The following LTBP2 variants were observed in gnomAD, a reference collection of about 807,000 sequenced individuals.
LTBP2 encodes latent-transforming growth factor beta-binding protein 2.
Under a neutral mutation model 210.6 loss-of-function variants are expected in LTBP2, and 103 were observed. The ratio of observed to expected loss-of-function variants is 0.49; its 90% CI spans 0.42 to 0.58. The LOEUF is 0.58. LTBP2 is among the 20% of genes least tolerant of loss of function. The probability of loss-of-function intolerance (pLI) is 0.00; values close to 1 mark genes in which losing one functional copy is unlikely to be tolerated. For synonymous variants in LTBP2, 1,007 were observed against 1,015.0 expected (o/e 0.99, Z 0.15); for missense variants, 2,313 against 2,494.5 (o/e 0.93, Z 1.55).
intron 8 of LTBP2, among the ~76,000 whole-genome samples, chr14:74,538,832 G>C (rs1021890578): frequency 2.6e-5 from 4 of 152,246 alleles, no homozygotes; most frequent in East Asian, 3.8e-4. Flanking sequence ...AGCCTAGAAG[G>C]CCACTCTTGT....
At chr14:74,533,177 C>T (rs1167931603) in intron 9 of LTBP2, among the ~76,000 whole-genome samples, 1 of 152,260 alleles carries the variant, frequency 6.6e-6, no homozygotes, top group African/African-American at 2.4e-5. Context: ...GCACCTATTA[C>T]ATGCTACGTA....
chr14:74,567,516 C>T (rs750398106), intron 3 of LTBP2, among the ~76,000 whole-genome samples: 1 of 152,126 alleles, frequency 6.6e-6, no homozygotes, highest in South Asian at 2.1e-4. Flanking sequence ...AAATGCCCCT[C>T]ATTTTCTCCC....
intron 8 of LTBP2, among the ~76,000 whole-genome samples, chr14:74,546,762 C>T (rs545330266): frequency 1.4e-4 from 22 of 152,344 alleles, no homozygotes; most frequent in African/African-American, 4.1e-4. Flanking sequence ...CTGTCTGAAC[C>T]GAGCTCACCA....
intron 3 of LTBP2, among the ~76,000 whole-genome samples, chr14:74,585,251 C>G (rs2088188512): frequency 6.6e-6 from 1 of 152,144 alleles, no homozygotes; most frequent in South Asian, 2.1e-4. Flanking sequence ...GAGGCTGAAG[C>G]TGGGTGCCGA....
In LTBP2 at chr14:74,509,804, C is replaced by G. The variant is rs749802529; in HGVS notation, c.3207G>C (p.Thr1069=). The change falls in exon 21 of 36, where the codon ACG becomes ACC. Residue 1069 remains threonine (T), a synonymous_variant. Coordinates refer to ENST00000261978, the MANE Select transcript of LTBP2 (RefSeq NM_000428.3). ...ASCPTGLCLN[T]EGSFACSACE... is the part of the protein sequence containing the mutation. ...AGGCAGAGCAGGCGAAGGAGCCCTC[C>G]GTGTTGAGGCAGAGGCCTGTGGGGC... 2 of 1,614,098 alleles carry G rather than the reference C, an allele frequency of 1.2e-6. No individual in the cohort carries two copies. Among genetic ancestry groups the G allele is most frequent in the Non-Finnish European group, 1.7e-6 (2 of 1,180,018 alleles).
intron 3 of LTBP2, among the ~76,000 whole-genome samples, chr14:74,556,004 C>T (rs998600040): frequency 1.4e-4 from 22 of 152,170 alleles, no homozygotes; most frequent in Admixed American, 7.2e-4. Flanking sequence ...GGGTGTTAGA[C>T]GGTCCTCACG....
chr14:74,540,848 T>TATATATATATTA (rs1555350201), intron 8 of LTBP2, among the ~76,000 whole-genome samples: 12 of 68,866 alleles, frequency 1.7e-4, no homozygotes, highest in African/African-American at 6.2e-4. Context: ...TTTATATATA[T>TATATATATATTA]TATATATATT....
intron 32 of LTBP2, 35 bp downstream of exon 32, chr14:74,503,434 C>T: frequency 6.2e-7 from 1 of 1,609,310 alleles, no homozygotes; most frequent in Non-Finnish European, 8.5e-7. Flanking sequence ...GCCCAGGTAC[C>T]CTTCTCCTGC....
chr14:74,536,761 G>A lies in LTBP2; in HGVS notation c.1790-761C>T, dbSNP rs576109860. Among the ~76,000 whole-genome samples, 4 of 152,278 alleles carry A rather than the reference G, an allele frequency of 2.6e-5. No individual in the cohort carries two copies. The East Asian group carries it at 7.7e-4, about 29-fold the overall frequency. ...CTCAGGAGGCTGAGGCAGGAGACTC[G>A]CTTGAACCCAGGAGGGGGAGGTCGC... On this transcript the variant is annotated intron_variant, in intron 8 of 35. Coordinates refer to ENST00000261978, the MANE Select transcript of LTBP2 (RefSeq NM_000428.3).
rs772301402 is a variant in LTBP2, at chr14:74,603,672, T to C, written c.528A>G (p.Gly176=). 4 of 1,614,050 alleles carry C rather than the reference T, an allele frequency of 2.5e-6. No homozygotes were observed. The African/African-American group carries it at 4.0e-5, about 16-fold the overall frequency. The part of the protein sequence containing the change: ...RNVCGGQCCP[G]WTTANSTNHC... ...GGTTGGTGCTGTTTGCTGTTGTCCA[T>C]CCTGGGCAGCACTGTCCCCCGCAGA... Residue 176 remains glycine, a synonymous_variant, in exon 2 of 36, where the codon GGA becomes GGG. Coordinates refer to ENST00000261978, the MANE Select transcript of LTBP2 (RefSeq NM_000428.3).
Position 74,528,711 on chromosome 14 carries a change from C to A in LTBP2, c.2153-13G>T, listed in dbSNP as rs1346347250. The A allele has an allele frequency of 6.2e-7, 1 of 1,610,164 alleles. No homozygotes were observed. Among genetic ancestry groups the A allele is most frequent in the East Asian group, 2.2e-5 (1 of 44,884 alleles). ...TCTCTGAAGGCCTCTGCAAAGCCAACAGCCAGAGGACAAACTGAGAGGTGC... is the reference window on the plus strand; with the variant it reads ...TCTCTGAAGGCCTCTGCAAAGCCAAAAGCCAGAGGACAAACTGAGAGGTGC... On this transcript the variant is annotated splice_polypyrimidine_tract_variant and intron_variant, in intron 11 of 35. Transcript: ENST00000261978.
intron 8 of LTBP2, among the ~76,000 whole-genome samples, chr14:74,544,075 C>T (rs2087548810): frequency 6.6e-6 from 1 of 152,230 alleles, no homozygotes; most frequent in Non-Finnish European, 1.5e-5. Flanking sequence ...ACAATTCATT[C>T]CCAGCAGGCT....
intron 3 of LTBP2, among the ~76,000 whole-genome samples, chr14:74,571,466 C>T (rs2087977050): frequency 6.6e-6 from 1 of 152,216 alleles, no homozygotes; most frequent in African/African-American, 2.4e-5. Flanking sequence ...CAGATGAGAA[C>T]ACTGAAGCTC....
intron 10 of LTBP2, among the ~76,000 whole-genome samples, chr14:74,530,201 C>T (rs2087331989): frequency 6.6e-6 from 1 of 152,222 alleles, no homozygotes; most frequent in African/African-American, 2.4e-5. Flanking sequence ...TGGAGGCTGA[C>T]GCCTTTCTGG....
Position 74,570,393 on chromosome 14 carries a change from C to A in LTBP2, c.831-14700G>T, listed in dbSNP as rs965922737. On this transcript the variant is annotated intron_variant, in intron 3 of 35. Coordinates refer to ENST00000261978, the MANE Select transcript of LTBP2 (RefSeq NM_000428.3). Reference sequence around the variant, plus strand: ...TACCCCACTCGTGGGCCTGCCCCGACAAGCACACTGTAGACTAAGGCAGCT... The same window carrying A: ...TACCCCACTCGTGGGCCTGCCCCGAAAAGCACACTGTAGACTAAGGCAGCT... 3.3e-5 allele frequency among the ~76,000 whole-genome samples: 5 copies of A among 152,140 alleles called. No individual in the cohort carries two copies. The East Asian group carries it at 9.6e-4, about 29-fold the overall frequency.
At chr14:74,542,987 TCA>T (rs774342826) in intron 8 of LTBP2, among the ~76,000 whole-genome samples, 4 of 151,916 alleles carry the variant, frequency 2.6e-5, no homozygotes, top group Admixed American at 6.5e-5. Flanking sequence ...CAGGATGTTC[TCA>T]AACTCCTGAC....
intron 8 of LTBP2, among the ~76,000 whole-genome samples, chr14:74,537,285 G>A (rs919828871): frequency 6.6e-6 from 1 of 152,154 alleles, no homozygotes; most frequent in Non-Finnish European, 1.5e-5. Context: ...ACTTCTGATC[G>A]CCACCTGTCT....
At chr14:74,542,109 G>A (rs1390656187) in intron 8 of LTBP2, among the ~76,000 whole-genome samples, 5 of 152,310 alleles carry the variant, frequency 3.3e-5, no homozygotes, top group Admixed American at 6.5e-5. Flanking sequence ...AGTGGGGACC[G>A]ACCTGAACTC....
At chr14:74,532,655 A>G in intron 9 of LTBP2, 107 bp from the exon 10 acceptor site, 1 of 1,303,506 alleles carries the variant, frequency 7.7e-7, no homozygotes, top group Non-Finnish European at 1.1e-6. Context: ...AACAACAACA[A>G]AAGAGCTGCT....
Sources: gnomAD v4.1 joint callset for allele counts (sites outside exome capture counted in the v4.1 genomes callset) on GRCh38, gnomAD v4.1.1 for gene constraint, MANE v1.5 for transcripts, NCBI Gene and HGNC (gene_info 2026-07-23, HGNC 2026-07-21) for gene names.